Variants in LUZP1 observed in about 807,000 individuals in gnomAD.
LUZP1 encodes filamin mechanobinding actin cross-linking protein.
Under a neutral mutation model 71.3 loss-of-function variants are expected in LUZP1, and 25 were observed. The observed-to-expected ratio is 0.35, with a 90% CI of 0.26 to 0.49. LUZP1 has a LOEUF of 0.49. LUZP1 is among the 20% of genes least tolerant of loss of function. The pLI, the probability that LUZP1 is intolerant of heterozygous loss-of-function variation, is 0.99. For missense variants in LUZP1, 1,142 were observed against 1,300.8 expected (o/e 0.88, Z 1.88); for synonymous variants, 481 against 506.4 (o/e 0.95, Z 0.67).
At chr1:23,162,289 G>A (rs915545707) in intron 2 of LUZP1, among the ~76,000 whole-genome samples, 7 of 151,986 alleles carry the variant, frequency 4.6e-5, no homozygotes, top group Admixed American at 6.6e-5. Flanking sequence ...CTAGGTACTG[G>A]TAACGCTGTT....
At chr1:23,137,244 G>A (rs924911838) in intron 2 of LUZP1, among the ~76,000 whole-genome samples, 2 of 152,202 alleles carry the variant, frequency 1.3e-5, no homozygotes, top group Admixed American at 1.3e-4. Flanking sequence ...CTAAAAATGG[G>A]CAAAGGATTT....
intron 2 of LUZP1, among the ~76,000 whole-genome samples, chr1:23,117,907 T>C (rs1644098550): frequency 1.3e-5 from 2 of 151,708 alleles, no homozygotes; most frequent in Admixed American, 6.6e-5. Flanking sequence ...CTGGCAAACA[T>C]GGTGAAACCC....
At chr1:23,134,762 G>C (rs1644240762) in intron 2 of LUZP1, among the ~76,000 whole-genome samples, 1 of 152,152 alleles carries the variant, frequency 6.6e-6, no homozygotes. Flanking sequence ...CAGCCTGGGG[G>C]ACGGTGTGAG....
rs368418013 is a variant in LUZP1, at chr1:23,134,106, C to T, written c.-225-24979G>A. The stretch of plus-strand genomic sequence containing the variant: ...ATAATTTATGGCTGTTTTTCCCTCA[C>T]AAGAGACAAGATGGCCCACAAACCT... On this transcript the variant is annotated intron_variant, in intron 2 of 4. Transcript: ENST00000302291. Among the ~76,000 whole-genome samples, 6 of 152,276 alleles carry T rather than the reference C, an allele frequency of 3.9e-5. No homozygotes were observed. In the East Asian group the frequency reaches 9.6e-4, roughly 24 times the overall value.
exon 4 of LUZP1, chr1:23,092,692 A>G (rs139469401): frequency 1.2e-5 from 19 of 1,613,846 alleles, no homozygotes; most frequent in Admixed American, 8.3e-5. Flanking sequence ...GCTCTACCCA[A>G]TGGGTCACTG....
At position 23,116,150 on chromosome 1, in the gene LUZP1, A is replaced by G. The variant is rs138977671; in HGVS notation, c.-225-7023T>C. Among the ~76,000 whole-genome samples, 197 of 151,942 alleles carry G rather than the reference A, an allele frequency of 1.3e-3. 1 individual carries two copies. Among genetic ancestry groups the G allele is most frequent in the African/African-American group, 4.0e-3 (165 of 41,470 alleles). ...AATCCCAGCACTTTGGGAGGCTGAG[A>G]TGGGAGGATCACTTGAGCTCAGGAG... On this transcript the variant is annotated intron_variant, in intron 2 of 4. Coordinates refer to ENST00000302291, the Ensembl canonical transcript of LUZP1.
chr1:23,125,191 G>C (rs1644162213), intron 2 of LUZP1, among the ~76,000 whole-genome samples: 1 of 152,174 alleles, frequency 6.6e-6, no homozygotes, highest in South Asian at 2.1e-4. Flanking sequence ...AGTCCTAGCA[G>C]ATATGCTTAC....
intron 2 of LUZP1, among the ~76,000 whole-genome samples, chr1:23,162,119 AT>A (rs1644471946): frequency 6.6e-6 from 1 of 152,002 alleles, no homozygotes; most frequent in Non-Finnish European, 1.5e-5. Flanking sequence ...TTAGTGTTAA[AT>A]AAAAGGAGCC....
At chr1:23,165,967 A>G (rs545820568) in intron 2 of LUZP1, among the ~76,000 whole-genome samples, 2 of 152,008 alleles carry the variant, frequency 1.3e-5, no homozygotes, top group Non-Finnish European at 2.9e-5. Flanking sequence ...TGCTTTCATC[A>G]TAAGAAATAA....
In LUZP1 at chr1:23,093,054, C is replaced by G; in HGVS notation, c.1208G>C (p.Arg403Pro). 1 of 1,614,120 alleles carries G rather than the reference C, an allele frequency of 6.2e-7. No individual in the cohort carries two copies. Among genetic ancestry groups the G allele is most frequent in the Non-Finnish European group, 8.5e-7 (1 of 1,179,984 alleles). ...ATTGTTGAGAGCAAACTCCCTGTTCCGGAGTCGTTCCCGCTTATGCTGAGG... is the reference window on the plus strand; with the variant it reads ...ATTGTTGAGAGCAAACTCCCTGTTCGGGAGTCGTTCCCGCTTATGCTGAGG... Residue 403 changes from arginine (R) to proline (P), a missense_variant, in exon 4 of 5, where the codon CGG (arginine) becomes CCG (proline). Transcript: ENST00000302291. This position sits in a 1 kb window ranked among gnomAD's most constrained non-coding sequence, Gnocchi z 4.2.
At chr1:23,148,312 G>A (rs1433457592) in intron 2 of LUZP1, among the ~76,000 whole-genome samples, 2 of 151,624 alleles carry the variant, frequency 1.3e-5, no homozygotes, top group East Asian at 3.9e-4. Context: ...AATCTCCCAA[G>A]GTTAAAAAAA....
chr1:23,157,428 G>T (rs1388690546), intron 2 of LUZP1, among the ~76,000 whole-genome samples: 1 of 149,508 alleles, frequency 6.7e-6, no homozygotes. Context: ...TATAATCCCA[G>T]CACCTTGGAA....
chr1:23,145,658 C>T (rs1353883290), intron 2 of LUZP1, among the ~76,000 whole-genome samples: 1 of 151,736 alleles, frequency 6.6e-6, no homozygotes, highest in African/African-American at 2.4e-5. Context: ...TTAGTAGAGA[C>T]AGGGTTTCAT....
chr1:23,166,313 C>T, intron 2 of LUZP1, among the ~76,000 whole-genome samples: 1 of 152,100 alleles, frequency 6.6e-6, no homozygotes, highest in East Asian at 1.9e-4. Context: ...TGTGTGTGAA[C>T]TTGGGACAGC....
intron 1 of LUZP1, among the ~76,000 whole-genome samples, chr1:23,175,820 T>C (rs1053695583): frequency 3.3e-5 from 5 of 152,290 alleles, no homozygotes; most frequent in East Asian, 3.9e-4. Flanking sequence ...TCAGGTGATA[T>C]GCCAGGAGGG....
intron 2 of LUZP1, among the ~76,000 whole-genome samples, chr1:23,162,004 CGACAGAACGAGA>C (rs1644470260): frequency 1.8e-5 from 2 of 111,968 alleles, no homozygotes; most frequent in Non-Finnish European, 3.3e-5. Flanking sequence ...CCAGCCTGGG[CGACAGAACGAGA>C]CTGTCTCAAA....
intron 2 of LUZP1, among the ~76,000 whole-genome samples, chr1:23,113,672 G>C (rs745684005): frequency 3.9e-5 from 6 of 152,020 alleles, no homozygotes; most frequent in Non-Finnish European, 8.8e-5. Flanking sequence ...ACGAGATCAG[G>C]AGATCGGGAC....
chr1:23,163,923 AGAGTT>A (rs1644489538), intron 2 of LUZP1: 1 of 152,174 alleles, frequency 6.6e-6, no homozygotes, highest in Admixed American at 6.5e-5. Context: ...ACTACCTCAT[AGAGTT>A]ATTATTTTTT....
At chr1:23,151,648 A>C (rs1037955698) in intron 2 of LUZP1, among the ~76,000 whole-genome samples, 1 of 152,138 alleles carries the variant, frequency 6.6e-6, no homozygotes, top group South Asian at 2.1e-4. Flanking sequence ...TACCTATTTC[A>C]TGAGGCAGTT....
Sources: gnomAD v4.1 joint callset for allele counts (sites outside exome capture counted in the v4.1 genomes callset) on GRCh38, gnomAD v4.1.1 for gene constraint, Gnocchi (gnomAD v3.1) non-coding constraint, MANE v1.5 for transcripts, NCBI Gene and HGNC (gene_info 2026-07-23, HGNC 2026-07-21) for gene names.